The following KIF26B variants were observed in gnomAD, a reference collection of about 807,000 sequenced individuals.
KIF26B encodes the protein kinesin family member 26B, also known as kinesin-like protein KIF26B.
A neutral mutation model predicts 151.2 loss-of-function variants in KIF26B; 63 were observed. That is an observed-to-expected ratio of 0.42 (90% CI 0.34 to 0.51). The LOEUF (loss-of-function observed/expected upper bound fraction) is 0.51. Ranked by LOEUF, KIF26B falls within the 20% of genes least tolerant of loss-of-function variation. KIF26B has a pLI of 0.07. For missense variants in KIF26B, 2,813 were observed against 2,913.6 expected, an observed-to-expected ratio of 0.97 and a Z score of 0.79; for synonymous variants, 1,357 against 1,262.1, an observed-to-expected ratio of 1.08 and a Z score of -1.59.
At chr1:245,395,325 G>C (rs1069213) in intron 3 of KIF26B, among the ~76,000 whole-genome samples, 63,448 of 152,096 alleles carry the variant, frequency 0.42, 15,279 homozygotes, top group South Asian at 0.63. Context: ...TGCTTGATTT[G>C]GTTCTTATAT....
chr1:245,319,171 A>G (rs1260314554), intron 2 of KIF26B, among the ~76,000 whole-genome samples: 2 of 152,254 alleles, frequency 1.3e-5, no homozygotes, highest in African/African-American at 4.8e-5. Context: ...CAAGCCATGT[A>G]TATGTGTAGC....
chr1:245,542,236 C>G (rs539420544), intron 5 of KIF26B, among the ~76,000 whole-genome samples: 1 of 152,200 alleles, frequency 6.6e-6, no homozygotes, highest in East Asian at 1.9e-4. Flanking sequence ...GCCTGTAGTC[C>G]CAGCTACTCA....
chr1:245,468,762 C>T (rs1254965299), intron 4 of KIF26B, among the ~76,000 whole-genome samples: 1 of 151,962 alleles, frequency 6.6e-6, no homozygotes, highest in African/African-American at 2.4e-5. Flanking sequence ...GTTATAACGT[C>T]CGGCAGTAGA....
In KIF26B at chr1:245,162,326, G is replaced by C. The variant is rs370199168; in HGVS notation, c.465+5643G>C. On this transcript the variant is annotated intron_variant, in intron 2 of 14. Transcript: ENST00000407071. ...GTGGCGAAGGAGCACTGTTGAGAAT[G>C]TGCTCCCAATCGCTCTTTTATACCT... 4.6e-5 allele frequency among the ~76,000 whole-genome samples: 7 copies of C among 150,652 alleles called. No homozygotes were observed. In the Middle Eastern group the frequency reaches 0.01, roughly 224 times the overall value.
intron 2 of KIF26B, among the ~76,000 whole-genome samples, chr1:245,184,050 G>GTTGTTTTT (rs1553332271): frequency 2.0e-4 from 4 of 19,802 alleles, no homozygotes; most frequent in African/African-American, 6.1e-4. Flanking sequence ...GGGAGTTGTT[G>GTTGTTTTT]TTTTTTTTTT....
intron 2 of KIF26B, among the ~76,000 whole-genome samples, chr1:245,348,767 C>G (rs1005224158): frequency 6.6e-6 from 1 of 152,226 alleles, no homozygotes; most frequent in Admixed American, 6.5e-5. Context: ...ATTCATCCCA[C>G]TCCAGCCACG....
chr1:245,207,257 G>T (rs953971376), intron 2 of KIF26B, among the ~76,000 whole-genome samples: 1 of 151,744 alleles, frequency 6.6e-6, no homozygotes, highest in South Asian at 2.1e-4. Flanking sequence ...CTGCAGAAGG[G>T]TGCTTCTCAC....
chr1:245,178,909 G>A (rs889536821), intron 2 of KIF26B, among the ~76,000 whole-genome samples: 3 of 152,014 alleles, frequency 2.0e-5, no homozygotes, highest in Non-Finnish European at 2.9e-5. Context: ...GGCACCTGAC[G>A]TTGGACTTGC....
chr1:245,500,078 T>G (rs1660590314), intron 4 of KIF26B, among the ~76,000 whole-genome samples: 1 of 152,098 alleles, frequency 6.6e-6, no homozygotes, highest in Admixed American at 6.6e-5. Context: ...CGGTGGAAGG[T>G]TTTAGGACTA....
intron 9 of KIF26B, among the ~76,000 whole-genome samples, chr1:245,639,190 T>C (rs188985624): frequency 1.4e-4 from 22 of 151,938 alleles, no homozygotes; most frequent in Admixed American, 1.3e-3. Flanking sequence ...TTCTTCACAG[T>C]TGAGTTTTGG....
intron 12 of KIF26B, among the ~76,000 whole-genome samples, chr1:245,697,379 C>A (rs368111720): frequency 3.9e-5 from 6 of 152,204 alleles, no homozygotes; most frequent in East Asian, 3.9e-4. Context: ...GTCCTCGTCA[C>A]AACGTGTGAA....
intron 4 of KIF26B, among the ~76,000 whole-genome samples, chr1:245,470,009 C>A (rs535741633): frequency 6.6e-6 from 1 of 151,546 alleles, no homozygotes; most frequent in African/African-American, 2.4e-5. Context: ...GCGGGAGTCT[C>A]GGGGGAGAAA....
intron 2 of KIF26B, among the ~76,000 whole-genome samples, chr1:245,294,211 C>G (rs1232800797): frequency 1.3e-5 from 2 of 152,108 alleles, no homozygotes; most frequent in South Asian, 4.1e-4. Flanking sequence ...AAACCTCCCA[C>G]GGGGTCTCCA....
intron 9 of KIF26B, among the ~76,000 whole-genome samples, chr1:245,626,657 TA>T (rs940892623): frequency 8.5e-5 from 13 of 152,148 alleles, no homozygotes; most frequent in African/African-American, 2.9e-4. Context: ...AGCTTGCAAA[TA>T]TTTTTTTTCC....
In KIF26B at chr1:245,698,794, G is replaced by C; in HGVS notation, c.6028-93G>C. On this transcript the variant is annotated intron_variant, in intron 13 of 14. Coordinates refer to ENST00000407071, the MANE Select transcript of KIF26B (RefSeq NM_018012.4). This position sits in a 1 kb window ranked among gnomAD's most constrained non-coding sequence, Gnocchi z 4.0. ...TCCCTCCCACACGTCTCCAAGCCCA[G>C]CCTGTTTTCCATCAACGATACTCAC... 1 of 1,482,830 alleles carries C rather than the reference G, an allele frequency of 6.7e-7. No individual in the cohort carries two copies. The highest frequency in any genetic ancestry group is 9.1e-7 in the Non-Finnish European group (1 of 1,095,542). The allele number at this position is 1,482,830 out of a possible 1,614,324, so 91.9% of individuals were successfully genotyped here.
chr1:245,610,952 G>C (rs1018565055), intron 8 of KIF26B, among the ~76,000 whole-genome samples: 2 of 152,196 alleles, frequency 1.3e-5, no homozygotes, highest in African/African-American at 4.8e-5. Context: ...CTGCAAATTA[G>C]TTCTTTGAAC....
intron 12 of KIF26B, among the ~76,000 whole-genome samples, chr1:245,695,250 T>G (rs1261753825): frequency 6.6e-6 from 1 of 152,152 alleles, no homozygotes; most frequent in African/African-American, 2.4e-5. Flanking sequence ...GGCATAGCAG[T>G]AACATCGCTT....
intron 5 of KIF26B, among the ~76,000 whole-genome samples, chr1:245,593,449 G>T (rs987093427): frequency 3.3e-5 from 5 of 152,066 alleles, no homozygotes; most frequent in Admixed American, 6.5e-5. Context: ...GTATTAGTTT[G>T]CTGAGAATGA....
At chr1:245,437,883 C>T (rs1018892687) in intron 4 of KIF26B, among the ~76,000 whole-genome samples, 1 of 152,154 alleles carries the variant, frequency 6.6e-6, no homozygotes, top group East Asian at 1.9e-4. Context: ...GTGTCTTTGA[C>T]CTTGTTCAAG....
Sources: allele counts gnomAD v4.1 joint callset (sites outside exome capture counted in the v4.1 genomes callset), GRCh38; gene constraint gnomAD v4.1.1; non-coding constraint Gnocchi (gnomAD v3.1); transcripts MANE v1.5; gene names NCBI Gene and HGNC (gene_info 2026-07-23, HGNC 2026-07-21).